The following ESR1 variants were observed in gnomAD, a reference collection of about 807,000 sequenced individuals.
ESR1 encodes the protein estrogen receptor 1.
In ESR1, 12 loss-of-function variants were observed where a neutral mutation model predicts 52.7. That is an observed-to-expected ratio of 0.23 (90% CI 0.15 to 0.37). The LOEUF (loss-of-function observed/expected upper bound fraction) is 0.37, where lower values mean the gene tolerates loss of function less well. ESR1 is among the 10% of genes least tolerant of loss of function. The pLI is 1.00. For synonymous variants in ESR1, 305 were observed against 316.8 expected, an observed-to-expected ratio of 0.96 and a Z score of 0.39; for missense variants, 584 against 779.7, an observed-to-expected ratio of 0.75 and a Z score of 2.99.
chr6:152,117,269 T>A (rs978624815), intron 6 of ESR1, among the ~76,000 whole-genome samples: 15 of 152,192 alleles, frequency 9.9e-5, no homozygotes, highest in African/African-American at 3.6e-4. Flanking sequence ...GCTGTCGAAG[T>A]TGGCAGCTGC....
intron 1 of ESR1, among the ~76,000 whole-genome samples, chr6:151,699,509 C>T (rs949853685): frequency 6.6e-6 from 1 of 152,088 alleles, no homozygotes; most frequent in Non-Finnish European, 1.5e-5. Flanking sequence ...GAGCTTAAAC[C>T]TTAGAGGCAG....
chr6:151,949,193 C>A (rs1229665815), intron 4 of ESR1, among the ~76,000 whole-genome samples: 2 of 152,196 alleles, frequency 1.3e-5, no homozygotes, highest in Non-Finnish European at 2.9e-5. Flanking sequence ...AAATATGGAG[C>A]CATGCGCTCT....
intron 2 of ESR1, chr6:151,702,147 C>T (rs895854554): frequency 6.6e-6 from 1 of 152,136 alleles, no homozygotes; most frequent in Non-Finnish European, 1.5e-5. Flanking sequence ...AGGGGCTTAG[C>T]AGTACACCTA....
chr6:152,095,746 G>C (rs1452608925), intron 7 of ESR1, among the ~76,000 whole-genome samples: 10 of 152,090 alleles, frequency 6.6e-5, no homozygotes, highest in African/African-American at 2.4e-4. Flanking sequence ...TTAAGACCTA[G>C]TTGGAACTTA....
chr6:151,700,847 A>C (rs1385906871), intron 1 of ESR1, among the ~76,000 whole-genome samples: 1 of 152,226 alleles, frequency 6.6e-6, no homozygotes, highest in East Asian at 1.9e-4. Flanking sequence ...GCTGTTATAC[A>C]ACATTTTAAA....
At chr6:151,925,962 C>T (rs1243171661) in intron 3 of ESR1, among the ~76,000 whole-genome samples, 3 of 151,906 alleles carry the variant, frequency 2.0e-5, no homozygotes, top group South Asian at 2.1e-4. Context: ...AATGATTCAC[C>T]TTAAGTTTTG....
chr6:152,025,787 G>C (rs1430091020), intron 5 of ESR1, among the ~76,000 whole-genome samples: 1 of 151,766 alleles, frequency 6.6e-6, no homozygotes. Flanking sequence ...TAATGTTTTA[G>C]TTCATTTTCT....
At chr6:151,916,096 A>G (rs2030102725) in intron 3 of ESR1, among the ~76,000 whole-genome samples, 1 of 152,212 alleles carries the variant, frequency 6.6e-6, no homozygotes, top group Non-Finnish European at 1.5e-5. Context: ...AATTTTTCTG[A>G]AAAGTGGATA....
At chr6:152,083,988 C>A (rs2049463142) in intron 6 of ESR1, among the ~76,000 whole-genome samples, 1 of 152,112 alleles carries the variant, frequency 6.6e-6, no homozygotes, top group Non-Finnish European at 1.5e-5. Context: ...TTTATTGCAG[C>A]ACTATTCACA....
intron 4 of ESR1, among the ~76,000 whole-genome samples, chr6:151,990,389 GTGTTCCTTGTTGT>G (rs906044541): frequency 1.3e-5 from 2 of 151,846 alleles, no homozygotes; most frequent in Non-Finnish European, 2.9e-5. Flanking sequence ...TCCATTGCTG[GTGTTCCTTGTTGT>G]TGGGTGACTC....
chr6:152,125,461 C>T, exon 7 of ESR1: 1 of 1,339,464 alleles, frequency 7.5e-7, no homozygotes. Context: ...AAATTAGTCT[C>T]TCTGGCCTTC....
intron 2 of ESR1, among the ~76,000 whole-genome samples, chr6:151,859,077 A>C (rs547626377): frequency 1.6e-4 from 24 of 152,180 alleles, no homozygotes; most frequent in Non-Finnish European, 3.2e-4. Flanking sequence ...TAGATATGGA[A>C]GGGTCAGAAA....
upstream of ESR1, among the ~76,000 whole-genome samples, chr6:151,806,530 G>GTGTATATATATATA (rs1554259015): frequency 2.1e-5 from 2 of 96,468 alleles, no homozygotes; most frequent in African/African-American, 4.0e-5. Context: ...TCCTTAATAT[G>GTGTATATATATATA]TATATATATA....
chr6:152,007,793 G>A (rs1323969129), intron 4 of ESR1, among the ~76,000 whole-genome samples: 3 of 152,036 alleles, frequency 2.0e-5, no homozygotes, highest in Non-Finnish European at 2.9e-5. Flanking sequence ...TGCCACCTGC[G>A]AGAATGTCTA....
chr6:151,775,064 TA>T (rs1470151004), intron 2 of ESR1, among the ~76,000 whole-genome samples: 6 of 152,184 alleles, frequency 3.9e-5, no homozygotes, highest in Admixed American at 3.3e-4. Context: ...TCGAAATTTA[TA>T]TGCATGACTC....
intron 4 of ESR1, among the ~76,000 whole-genome samples, chr6:151,987,885 T>A (rs989658896): frequency 6.6e-6 from 1 of 152,140 alleles, no homozygotes; most frequent in East Asian, 1.9e-4. Flanking sequence ...ACTTGTACTT[T>A]ATATATATGT....
intron 1 of ESR1, among the ~76,000 whole-genome samples, chr6:151,822,024 A>C (rs952404826): frequency 6.6e-6 from 1 of 152,234 alleles, no homozygotes; most frequent in South Asian, 2.1e-4. Flanking sequence ...GACACAACTT[A>C]TTCTACAGAG....
chr6:151,948,424 G>A (rs1437878221), intron 4 of ESR1, among the ~76,000 whole-genome samples: 1 of 152,148 alleles, frequency 6.6e-6, no homozygotes, highest in Non-Finnish European at 1.5e-5. Context: ...AACCCAAAGT[G>A]TAGCAGCCTC....
chr6:151,854,694 G>T (rs1406802355), intron 2 of ESR1, among the ~76,000 whole-genome samples: 4 of 152,098 alleles, frequency 2.6e-5, no homozygotes, highest in Non-Finnish European at 5.9e-5. Flanking sequence ...CCAAGGTTGG[G>T]TGGCTAGATT....
Sources: gnomAD v4.1 joint callset for allele counts (sites outside exome capture counted in the v4.1 genomes callset) on GRCh38, gnomAD v4.1.1 for gene constraint, MANE v1.5 for transcripts, NCBI Gene and HGNC (gene_info 2026-07-23, HGNC 2026-07-21) for gene names.